LRRC49: variants seen among roughly 807,000 people sequenced by gnomAD.
LRRC49 encodes leucine rich repeat containing 49, also known as leucine-rich repeat-containing protein 49.
Under a neutral mutation model 83.3 loss-of-function variants are expected in LRRC49, and 50 were observed. The ratio of observed to expected loss-of-function variants is 0.60; its 90% CI spans 0.48 to 0.76. LRRC49 has a LOEUF of 0.76. Among genes scored for constraint, LRRC49 ranks in the 30% least tolerant of loss-of-function variants. The probability of loss-of-function intolerance (pLI) is 0.00; values close to 1 mark genes in which losing one functional copy is unlikely to be tolerated. For synonymous variants in LRRC49, 286 were observed against 283.3 expected, an observed-to-expected ratio of 1.01 and a Z score of -0.10; for missense variants, 704 against 809.1, an observed-to-expected ratio of 0.87 and a Z score of 1.58.
chr15:70,949,564 C>A (rs1489565330), intron 8 of LRRC49, among the ~76,000 whole-genome samples: 2 of 152,032 alleles, frequency 1.3e-5, no homozygotes, highest in Non-Finnish European at 2.9e-5. Flanking sequence ...TCTAGGAACC[C>A]ACTCGACCCC....
chr15:70,877,867 C>T (rs576423934), intron 2 of LRRC49, among the ~76,000 whole-genome samples: 38 of 152,316 alleles, frequency 2.5e-4, no homozygotes, highest in African/African-American at 8.4e-4. Context: ...CGGTGGCTCA[C>T]GCCTGTAATC....
chr15:70,889,583 T>C (rs936141064), upstream of LRRC49, among the ~76,000 whole-genome samples: 19 of 152,326 alleles, frequency 1.2e-4, no homozygotes, highest in African/African-American at 4.3e-4. Context: ...AAAAATTCAG[T>C]TGGGTTTTTT....
intron 6 of LRRC49, among the ~76,000 whole-genome samples, chr15:70,917,361 T>C (rs1210745634): frequency 2.0e-5 from 3 of 152,132 alleles, no homozygotes; most frequent in Non-Finnish European, 4.4e-5. Context: ...TGGCCGCCCA[T>C]GGGCCAATCA....
intron 14 of LRRC49, among the ~76,000 whole-genome samples, chr15:71,034,926 A>T (rs565570148): frequency 6.6e-6 from 1 of 152,232 alleles, no homozygotes; most frequent in South Asian, 2.1e-4. Context: ...CAGGATAAAT[A>T]GCTAATGCAT....
chr15:70,943,831 T>C (rs1209287614), intron 8 of LRRC49, among the ~76,000 whole-genome samples: 3 of 152,206 alleles, frequency 2.0e-5, no homozygotes, highest in Non-Finnish European at 4.4e-5. Context: ...TGCCTTTCCC[T>C]GGTGCCTGCT....
chr15:71,005,731 G>A (rs767463751), intron 11 of LRRC49, among the ~76,000 whole-genome samples: 1 of 152,098 alleles, frequency 6.6e-6, no homozygotes, highest in Non-Finnish European at 1.5e-5. Flanking sequence ...ACAGTGTTTT[G>A]TAGATAGTGG....
intron 1 of LRRC49, among the ~76,000 whole-genome samples, chr15:70,858,504 T>C (rs1232546759): frequency 3.3e-5 from 5 of 152,200 alleles, no homozygotes; most frequent in African/African-American, 1.2e-4. Context: ...CTCAGGAGGG[T>C]GAGGCAGGAA....
At chr15:70,930,781 A>G (rs963583758) in intron 7 of LRRC49, among the ~76,000 whole-genome samples, 1 of 152,116 alleles carries the variant, frequency 6.6e-6, no homozygotes, top group Non-Finnish European at 1.5e-5. Context: ...TGTTCTGGAG[A>G]TGGCTTCTGT....
intron 1 of LRRC49, chr15:70,858,987 A>G: frequency 1.1e-6 from 1 of 884,510 alleles, no homozygotes; most frequent in Non-Finnish European, 1.9e-6. Context: ...CACCCAAAGA[A>G]GGAGCAGATC....
intron 1 of LRRC49, among the ~76,000 whole-genome samples, chr15:70,871,951 A>T (rs1019890703): frequency 2.0e-4 from 28 of 140,404 alleles, no homozygotes; most frequent in African/African-American, 7.3e-4. Flanking sequence ...ATCCCAGACG[A>T]TGGGCGGCCA....
chr15:70,855,088 C>T (rs1174068816), intron 1 of LRRC49, among the ~76,000 whole-genome samples: 1 of 152,052 alleles, frequency 6.6e-6, no homozygotes. Flanking sequence ...AATCTCAGCA[C>T]TTTGGGAGGC....
chr15:70,854,140 A>G lies in LRRC49; in HGVS notation c.-299+671A>G, dbSNP rs778925376. The G allele has an allele frequency of 4.2e-6, 5 of 1,197,452 alleles. No homozygotes were observed. The South Asian group carries it at 1.2e-4, about 28-fold the overall frequency. The allele number at this position is 1,197,452 out of a possible 1,614,324, so 74.2% of individuals were successfully genotyped here. On this transcript the variant is annotated intron_variant, in intron 1 of 16. Coordinates refer to the LRRC49 transcript ENST00000544974. ...GGTCCTCACGCCGCAAGGCCCAGCC[A>G]GCCGGTCGGCAGCGACTGCGACGAG...
intron 2 of LRRC49, among the ~76,000 whole-genome samples, chr15:70,876,112 A>G (rs2033146718): frequency 6.6e-6 from 1 of 152,206 alleles, no homozygotes; most frequent in South Asian, 2.1e-4. Flanking sequence ...TAAGTGCCAC[A>G]GGAAGTCTAA....
intron 1 of LRRC49, among the ~76,000 whole-genome samples, chr15:70,864,443 G>A (rs2032867642): frequency 6.6e-6 from 1 of 151,982 alleles, no homozygotes; most frequent in African/African-American, 2.4e-5. Context: ...AGGTGTGGGT[G>A]ATTTCCTTTG....
chr15:70,891,718 C>T (rs1317967939), upstream of LRRC49: 9 of 841,952 alleles, frequency 1.1e-5, no homozygotes, highest in Non-Finnish European at 1.6e-5. Context: ...TAAAGCACAC[C>T]CCTAACTTTG....
intron 8 of LRRC49, among the ~76,000 whole-genome samples, chr15:70,951,371 T>C (rs1384286349): frequency 1.3e-5 from 2 of 152,182 alleles, no homozygotes; most frequent in African/African-American, 4.8e-5. Flanking sequence ...ATTTTATCAA[T>C]GTTGATTCTT....
At chr15:71,001,970 C>T (rs1357517501) in intron 11 of LRRC49, among the ~76,000 whole-genome samples, 2 of 152,096 alleles carry the variant, frequency 1.3e-5, no homozygotes, top group African/African-American at 2.4e-5. Flanking sequence ...GGATTACAGG[C>T]GTGAGCCACC....
At chr15:71,016,379 G>A (rs2038827733) in intron 14 of LRRC49, among the ~76,000 whole-genome samples, 1 of 151,944 alleles carries the variant, frequency 6.6e-6, no homozygotes, top group Non-Finnish European at 1.5e-5. Flanking sequence ...TGTGCTGACA[G>A]GAAATTATAC....
intron 11 of LRRC49, among the ~76,000 whole-genome samples, chr15:70,984,927 A>G (rs377493801): frequency 6.7e-6 from 1 of 149,372 alleles, no homozygotes; most frequent in Non-Finnish European, 1.5e-5. Flanking sequence ...ATGATTTCCA[A>G]TTTCATCCAT....
Sources: allele counts gnomAD v4.1 joint callset (sites outside exome capture counted in the v4.1 genomes callset), GRCh38; gene constraint gnomAD v4.1.1; transcripts MANE v1.5; gene names NCBI Gene and HGNC (gene_info 2026-07-23, HGNC 2026-07-21).